Variants in ETV5 observed in about 807,000 individuals in gnomAD.
ETV5 encodes the protein ETS translocation variant 5.
ETV5 carries 10 observed loss-of-function variants against 70.0 expected under a neutral mutation model. The observed-to-expected ratio is 0.14, with a 90% CI of 0.09 to 0.24. The LOEUF (loss-of-function observed/expected upper bound fraction) is 0.24. Ranked by LOEUF, ETV5 falls within the 10% of genes least tolerant of loss-of-function variation. The probability of loss-of-function intolerance (pLI) is 1.00; values close to 1 mark genes in which losing one functional copy is unlikely to be tolerated. For synonymous variants in ETV5, 216 were observed against 242.2 expected (o/e 0.89, Z 1.01); for missense variants, 453 against 651.2 (o/e 0.70, Z 3.31).
rs546573911 is a variant in ETV5 at position 186,074,007 on chromosome 3, G to T, written c.650+5810C>A. Among the ~76,000 whole-genome samples, 7 of 152,086 alleles carry T rather than the reference G, an allele frequency of 4.6e-5. No homozygotes were observed. The South Asian group carries it at 1.5e-3, about 32-fold the overall frequency. ...AAACCCAAAGAAAACAAAGAATAAA[G>T]TATTTTAGTGAGAGCAGAAATCAAT... On this transcript the variant is annotated intron_variant, in intron 7 of 12. Transcript: ENST00000306376.
chr3:186,060,945 A>C (rs1342139729), intron 9 of ETV5, among the ~76,000 whole-genome samples: 1 of 152,188 alleles, frequency 6.6e-6, no homozygotes, highest in African/African-American at 2.4e-5. Context: ...AACATTCAGG[A>C]ACCTCAAAGA....
chr3:186,065,757 T>C, intron 8 of ETV5, 56 bp downstream of exon 8: 1 of 1,609,204 alleles, frequency 6.2e-7, no homozygotes, highest in Non-Finnish European at 8.5e-7. Flanking sequence ...AGACACTGAA[T>C]AACGAGACAG....
intron 7 of ETV5, chr3:186,079,109 A>G: frequency 9.4e-7 from 1 of 1,063,212 alleles, no homozygotes; most frequent in Non-Finnish European, 1.1e-6. Context: ...AAATAAAGAC[A>G]GGCCCCCAGC....
At position 186,073,092 on chromosome 3, in the gene ETV5, A is replaced by G. The variant is rs992895420; in HGVS notation, c.650+6725T>C. Reference sequence around the variant, plus strand: ...GGTTTTAGTAAGCCGAGACTGCACCACTGCACTCCAGCCTGTGCGATGGAG... The same window carrying G: ...GGTTTTAGTAAGCCGAGACTGCACCGCTGCACTCCAGCCTGTGCGATGGAG... On this transcript the variant is annotated intron_variant, in intron 7 of 12. Transcript: ENST00000306376. Among the ~76,000 whole-genome samples, 69 of 152,312 alleles carry G rather than the reference A, an allele frequency of 4.5e-4. 1 individual carries two copies. Among genetic ancestry groups the G allele is most frequent in the African/African-American group, 1.6e-3 (65 of 41,570 alleles).
chr3:186,107,114 C>CT (rs888449802), intron 1 of ETV5: 6 of 167,398 alleles, frequency 3.6e-5, no homozygotes, highest in African/African-American at 1.4e-4. Context: ...CAAGGACACC[C>CT]TTCACAGCCA....
intron 7 of ETV5, among the ~76,000 whole-genome samples, chr3:186,074,991 A>G (rs1713746543): frequency 6.6e-6 from 1 of 152,198 alleles, no homozygotes; most frequent in African/African-American, 2.4e-5. Flanking sequence ...TCACCCCAAA[A>G]GAGGCAGTAT....
chr3:186,080,060 G>T lies in ETV5; in HGVS notation c.407C>A (p.Pro136His). Residue 136 changes from proline to histidine, a missense_variant, in exon 7 of 13, where the codon CCT becomes CAT. This residue lies in a region of ETV5 where 307 missense variants were observed against 344.9 expected (regional missense o/e 0.89). Coordinates refer to ENST00000306376, the MANE Select transcript of ETV5 (RefSeq NM_004454.3). ...KPPSGFKPLT[P>H]PTTPLSPTHQ... ...GGTGGGTGAGAGGGGGGTTGTAGGA[G>T]GGGTTAATGGCTTGAACCCAGAGGG... 1 of 1,522,654 alleles carries T rather than the reference G, an allele frequency of 6.6e-7. No individual in the cohort carries two copies. Among genetic ancestry groups the T allele is most frequent in the Non-Finnish European group, 8.7e-7 (1 of 1,144,388 alleles). 94.3% of individuals were successfully genotyped at this position (1,522,654 alleles called of 1,614,324 possible). A position where few individuals can be genotyped will look rare whatever the true frequency, so the allele number is the denominator to read the frequency against.
chr3:186,094,275 T>C (rs1332745107), intron 5 of ETV5, among the ~76,000 whole-genome samples: 1 of 152,242 alleles, frequency 6.6e-6, no homozygotes, highest in Non-Finnish European at 1.5e-5. Context: ...AAATCAGCAA[T>C]GTCCTGATTC....
chr3:186,090,715 G>GA (rs766872489), intron 5 of ETV5, among the ~76,000 whole-genome samples: 2 of 152,202 alleles, frequency 1.3e-5, no homozygotes, highest in Non-Finnish European at 2.9e-5. Flanking sequence ...AAGGTTGGCA[G>GA]AATTGAAGTT....
intron 7 of ETV5, chr3:186,079,080 C>G: frequency 1.9e-6 from 2 of 1,065,074 alleles, no homozygotes; most frequent in Admixed American, 5.4e-5. Context: ...CAACTACCCC[C>G]CTATCCCAGA....
In ETV5 at chr3:186,105,513, A is replaced by T. The variant is rs1295967487; in HGVS notation, c.134-17T>A. On this transcript the variant is annotated splice_polypyrimidine_tract_variant and intron_variant, in intron 3 of 12. Coordinates refer to ENST00000306376, the MANE Select transcript of ETV5 (RefSeq NM_004454.3). This position sits in a 1 kb window ranked among gnomAD's most constrained non-coding sequence, Gnocchi z 4.5. ...GAAATAGCTCTGAAATTGAAAAAGA[A>T]GACCCCAGAATGAGGATATTTCTTT... is the stretch of plus-strand genomic sequence containing the variant. 1 of 1,614,030 alleles carries T rather than the reference A, an allele frequency of 6.2e-7. No homozygotes were observed. Among genetic ancestry groups the T allele is most frequent in the African/African-American group, 1.3e-5 (1 of 74,930 alleles).
intron 5 of ETV5, among the ~76,000 whole-genome samples, chr3:186,081,432 G>C (rs550862205): frequency 6.6e-6 from 1 of 152,214 alleles, no homozygotes; most frequent in East Asian, 1.9e-4. Flanking sequence ...CTTTGGTCAT[G>C]GGTCTTGCTT....
chr3:186,047,419 T>C lies in ETV5; in HGVS notation c.*1220A>G, dbSNP rs976730730. On this transcript the variant is annotated 3_prime_UTR_variant, in exon 13 of 13. Transcript: ENST00000306376. ...AGGAAAACAAAACAAACTGATGAAA[T>C]GGAAATTGTCATCAGTCATGCCCAG... is the stretch of plus-strand genomic sequence containing the variant. 4 of 232,144 alleles carry C rather than the reference T, an allele frequency of 1.7e-5. No individual in the cohort carries two copies. The highest frequency in any genetic ancestry group is 5.6e-5 in the Admixed American group (1 of 17,726). The allele number at this position is 232,144 out of a possible 1,614,324, so 14.4% of individuals were successfully genotyped here. A position where few individuals can be genotyped will look rare whatever the true frequency, so the allele number is the denominator to read the frequency against.
At chr3:186,065,732 G>C in intron 8 of ETV5, 81 bp downstream of exon 8, 5 of 1,521,808 alleles carry the variant, frequency 3.3e-6, no homozygotes, top group Non-Finnish European at 4.5e-6. Context: ...CTGTCCCCAA[G>C]GCCCTGCATG....
At chr3:186,062,511 AC>A (rs1419941508) in intron 9 of ETV5, among the ~76,000 whole-genome samples, 2 of 152,150 alleles carry the variant, frequency 1.3e-5, no homozygotes, top group African/African-American at 2.4e-5. Context: ...AATTCCATCT[AC>A]TTGGGAGGCT....
chr3:186,094,224 C>T (rs889084454), intron 5 of ETV5, among the ~76,000 whole-genome samples: 1 of 152,166 alleles, frequency 6.6e-6, no homozygotes, highest in African/African-American at 2.4e-5. Context: ...GAAGTGGTCA[C>T]GGATGGGAGG....
intron 7 of ETV5, among the ~76,000 whole-genome samples, chr3:186,076,867 GAGAT>G (rs1240456904): frequency 4.6e-5 from 7 of 152,178 alleles, no homozygotes; most frequent in East Asian, 1.9e-4. Context: ...TGTAGTTGAA[GAGAT>G]AGATAGAACT....
intron 12 of ETV5, 65 bp from the exon 13 acceptor site, chr3:186,048,925 C>A: frequency 7.5e-7 from 1 of 1,339,228 alleles, no homozygotes; most frequent in Non-Finnish European, 1.1e-6. Context: ...GGGAAGAGAA[C>A]GAGGTATTCC....
chr3:186,066,018 A>C lies in ETV5; in HGVS notation c.705T>G (p.Val235=). 1 of 1,610,560 alleles carries C rather than the reference A, an allele frequency of 6.2e-7. No individual in the cohort carries two copies. Among genetic ancestry groups the C allele is most frequent in the African/African-American group, 1.3e-5 (1 of 74,828 alleles). The change falls in exon 8 of 13, where the codon GTT becomes GTG. Residue 235 remains valine (V), a synonymous_variant. Coordinates refer to ENST00000306376, the MANE Select transcript of ETV5 (RefSeq NM_004454.3). ...PCHPFPPQPG[V]PGDNRPSYHR... The stretch of plus-strand genomic sequence containing the variant: ...GGTAACTGGGGCGATTATCTCCAGG[A>C]ACTCCTGGCTGAGGAGGGAAGGGGT...
Sources: gnomAD v4.1 joint callset for allele counts (sites outside exome capture counted in the v4.1 genomes callset) on GRCh38, gnomAD v4.1.1 for gene constraint, gnomAD v4.1.1 regional missense constraint, Gnocchi (gnomAD v3.1) non-coding constraint, MANE v1.5 for transcripts, NCBI Gene and HGNC (gene_info 2026-07-23, HGNC 2026-07-21) for gene names.